The following KIF19 variants were observed in gnomAD, a reference collection of about 807,000 sequenced individuals.
KIF19 encodes the protein kinesin family member 19.
A neutral mutation model predicts 106.6 loss-of-function variants in KIF19; 98 were observed. That is an observed-to-expected ratio of 0.92 (90% CI 0.78 to 1.09). The LOEUF is 1.09. KIF19 is among the 50% of genes least tolerant of loss of function. The pLI is 0.00. For synonymous variants in KIF19, 516 were observed against 584.2 expected (o/e 0.88, Z 1.68); for missense variants, 1,373 against 1,414.3 (o/e 0.97, Z 0.47).
intron 5 of KIF19, among the ~76,000 whole-genome samples, chr17:74,343,994 G>A (rs1458192068): frequency 6.6e-6 from 1 of 152,186 alleles, no homozygotes; most frequent in East Asian, 1.9e-4. Context: ...AAAGCCTCCT[G>A]TAACCTTGGC....
In KIF19 at chr17:74,352,012, A is replaced by G; in HGVS notation, c.1733A>G (p.Glu578Gly). The G allele has an allele frequency of 6.4e-7, 1 of 1,555,940 alleles. No homozygotes were observed. The highest frequency in any genetic ancestry group is 8.6e-7 in the Non-Finnish European group (1 of 1,159,128). ...CACGAGCTCGAGGTGGAGAACACCGAGATGCAGTCGCACGCGCTGCTCCGC... is the reference window on the plus strand; with the variant it reads ...CACGAGCTCGAGGTGGAGAACACCGGGATGCAGTCGCACGCGCTGCTCCGC... Reference protein sequence around the residue: ...RVHELEVENTEMQSHALLRDG... With the variant: ...RVHELEVENTGMQSHALLRDG... The change falls in exon 13 of 20, where the codon GAG becomes GGG. Residue 578 changes from glutamate (E) to glycine (G), a missense_variant. This residue lies in a region of KIF19 where 1,020 missense variants were observed against 1,008.2 expected (regional missense o/e 1.01). Coordinates refer to ENST00000389916, the MANE Select transcript of KIF19 (RefSeq NM_153209.4).
chr17:74,332,210 T>TGTGTGTGTG (rs1567897631), intron 2 of KIF19, among the ~76,000 whole-genome samples: 24 of 108,848 alleles, frequency 2.2e-4, no homozygotes, highest in Non-Finnish European at 3.3e-4. Flanking sequence ...GTGTGTGTGT[T>TGTGTGTGTG]TGTGTGTGTG....
At position 74,342,774 on chromosome 17, in the gene KIF19, A is replaced by G. The variant is rs939014587; in HGVS notation, c.319+57A>G. The G allele has an allele frequency of 2.2e-5, 33 of 1,497,860 alleles. No individual in the cohort carries two copies. In the Admixed American group the frequency reaches 5.2e-4, roughly 24 times the overall value. 92.8% of individuals were successfully genotyped at this position (1,497,860 alleles called of 1,614,324 possible). A position where few individuals can be genotyped will look rare whatever the true frequency, so the allele number is the denominator to read the frequency against. Reference sequence around the variant, plus strand: ...CCGCAATGCCCCTGTAATCCCCGTCACCCTCCAACTAGTCTGACCCCAGCT... The same window carrying G: ...CCGCAATGCCCCTGTAATCCCCGTCGCCCTCCAACTAGTCTGACCCCAGCT... On this transcript the variant is annotated intron_variant, in intron 4 of 19. Transcript: ENST00000389916.
rs560964136 is a variant in KIF19 at position 74,355,728 on chromosome 17, G to C, written c.*416G>C. On this transcript the variant is annotated 3_prime_UTR_variant, in exon 20 of 20. Transcript: ENST00000389916. Reference sequence around the variant, plus strand: ...AGGCACTTCACGTATTACAATTGGGGATGTGGGTGAGGGAGGGAATCTGGT... The same window carrying C: ...AGGCACTTCACGTATTACAATTGGGCATGTGGGTGAGGGAGGGAATCTGGT... 6.1e-6 allele frequency: 1 copy of C among 162,810 alleles called. No individual in the cohort carries two copies. The highest frequency in any genetic ancestry group is 6.4e-5 in the Admixed American group (1 of 15,638). The allele number at this position is 162,810 out of a possible 1,614,324, so 10.1% of individuals were successfully genotyped here. A position where few individuals can be genotyped will look rare whatever the true frequency, so the allele number is the denominator to read the frequency against.
chr17:74,329,677 G>A (rs2054020904), intron 2 of KIF19, among the ~76,000 whole-genome samples: 1 of 151,932 alleles, frequency 6.6e-6, no homozygotes, highest in Admixed American at 6.6e-5. Context: ...GAATGGGCTG[G>A]GCCAAACCAC....
At chr17:74,336,255 G>T (rs565950554) in intron 2 of KIF19, among the ~76,000 whole-genome samples, 2 of 152,266 alleles carry the variant, frequency 1.3e-5, no homozygotes, top group South Asian at 4.1e-4. Context: ...TTTTAGTAGA[G>T]ATGGGATTTC....
chr17:74,344,306 G>T lies in KIF19; in HGVS notation c.540G>T (p.Gln180His), dbSNP rs771712454. Reference sequence around the variant, plus strand: ...GGGAGGACTCTAAGGGGGTGATCCAGGTGGCCGGCATCACCGAAGTCTCCA... The same window carrying T: ...GGGAGGACTCTAAGGGGGTGATCCATGTGGCCGGCATCACCGAAGTCTCCA... ...ELREDSKGVIQVAGITEVSTI... is the reference protein window; with the variant it reads ...ELREDSKGVIHVAGITEVSTI... The change falls in exon 6 of 20, where the codon CAG becomes CAT. Residue 180 changes from glutamine to histidine, a missense_variant. Physicochemically the swap from Gln to His is conservative, Grantham distance 24. Transcript: ENST00000389916. 7 of 1,612,876 alleles carry T rather than the reference G, an allele frequency of 4.3e-6. No homozygotes were observed. Among genetic ancestry groups the T allele is most frequent in the Admixed American group, 1.7e-5 (1 of 59,984 alleles).
intron 2 of KIF19, among the ~76,000 whole-genome samples, chr17:74,337,803 G>T (rs1231823674): frequency 7.2e-5 from 11 of 152,182 alleles, no homozygotes; most frequent in African/African-American, 2.7e-4. Flanking sequence ...CCCCATGCTG[G>T]TCTCCCTGGC....
intron 3 of KIF19, among the ~76,000 whole-genome samples, chr17:74,342,331 C>T (rs538327171): frequency 2.6e-5 from 4 of 152,322 alleles, no homozygotes; most frequent in African/African-American, 7.2e-5. Context: ...CTCGAGGACC[C>T]CCATCTCGCC....
Position 74,352,001 on chromosome 17 carries a change from G to A in KIF19, c.1722G>A (p.Val574=), listed in dbSNP as rs1453434688. ...TGTGCCGCGTGCACGAGCTCGAGGT[G>A]GAGAACACCGAGATGCAGTCGCACG... The part of the protein sequence containing the change: ...SLLCRVHELE[V]ENTEMQSHAL... The change falls in exon 13 of 20, where the codon GTG becomes GTA. Residue 574 remains valine, a synonymous_variant. Coordinates refer to ENST00000389916, the MANE Select transcript of KIF19 (RefSeq NM_153209.4). 5 of 1,548,718 alleles carry A rather than the reference G, an allele frequency of 3.2e-6. No individual in the cohort carries two copies. The highest frequency in any genetic ancestry group is 4.3e-6 in the Non-Finnish European group (5 of 1,155,622).
chr17:74,342,889 C>T, intron 4 of KIF19, 135 bp from the exon 5 acceptor site: 1 of 1,242,274 alleles, frequency 8.0e-7, no homozygotes, highest in Non-Finnish European at 1.1e-6. Flanking sequence ...CATCATCCTC[C>T]CCACTCCCCA....
rs1430445624 is a variant in KIF19, at chr17:74,354,172, G to A, written c.2319G>A (p.Glu773=). 1.9e-6 allele frequency: 3 copies of A among 1,607,420 alleles called. No homozygotes were observed. Among genetic ancestry groups the A allele is most frequent in the South Asian group, 2.2e-5 (2 of 90,642 alleles). The change falls in exon 18 of 20, where the codon GAG becomes GAA. Residue 773 remains glutamate, a synonymous_variant. Coordinates refer to ENST00000389916, the MANE Select transcript of KIF19 (RefSeq NM_153209.4). ...EIPLSHKERK[E]ILTGTKCIWV... is the part of the protein sequence containing the mutation. ...CGTGTCCCGCTGCAGAGAGGAAGGA[G>A]ATCCTGACTGGCACCAAGTGCATCT...
intron 1 of KIF19, 69 bp from the exon 2 acceptor site, chr17:74,328,356 C>T: frequency 7.0e-7 from 1 of 1,434,820 alleles, no homozygotes; most frequent in Non-Finnish European, 9.6e-7. Context: ...CAGGGGCTTG[C>T]TTGAGGTCTC....
Position 74,354,892 on chromosome 17 carries a change from G to C in KIF19, c.2817G>C (p.Lys939Asn). Residue 939 changes from lysine (K) to asparagine (N), a missense_variant, in exon 19 of 20, where the codon AAG (lysine) becomes AAC (asparagine). This residue lies in a region of KIF19 where 1,020 missense variants were observed against 1,008.2 expected (regional missense o/e 1.01). Transcript: ENST00000389916. ...CCCCTGGTATCCGGCATCTGGGAAA[G>C]GTCACGCTACCTTTGGCCAAAGTCA... ...HPAPGIRHLG[K>N]VTLPLAKVKL... 1 of 1,571,608 alleles carries C rather than the reference G, an allele frequency of 6.4e-7. No homozygotes were observed. The highest frequency in any genetic ancestry group is 8.6e-7 in the Non-Finnish European group (1 of 1,158,850).
At chr17:74,342,050 A>C (rs1598384162) in intron 3 of KIF19, 64 bp downstream of exon 3, 1 of 1,271,784 alleles carries the variant, frequency 7.9e-7, no homozygotes, top group Non-Finnish European at 1.1e-6. Context: ...CCCACTCAGG[A>C]GGGGCCCTCC....
chr17:74,351,889 G>T lies in KIF19; in HGVS notation c.1610G>T (p.Arg537Leu). The change falls in exon 13 of 20, where the codon CGG becomes CTG. Residue 537 changes from arginine to leucine, a missense_variant. Physicochemically the swap from Arg to Leu is moderately radical, Grantham distance 102 (BLOSUM62 -2). Transcript: ENST00000389916. ...CAGCTGGCGCTGGAGCAGCGCTGCC[G>T]GGAGCTGCGCGCGCGGGGCCGGCGC... The part of the protein sequence containing the change: ...KQKLALEQRC[R>L]ELRARGRRLE... 1 of 1,408,874 alleles carries T rather than the reference G, an allele frequency of 7.1e-7. No homozygotes were observed. The highest frequency in any genetic ancestry group is 9.2e-7 in the Non-Finnish European group (1 of 1,090,020). The allele number at this position is 1,408,874 out of a possible 1,614,324, so 87.3% of individuals were successfully genotyped here. A position where few individuals can be genotyped will look rare whatever the true frequency, so the allele number is the denominator to read the frequency against.
At chr17:74,341,006 C>T (rs2054357332) in intron 2 of KIF19, among the ~76,000 whole-genome samples, 1 of 152,220 alleles carries the variant, frequency 6.6e-6, no homozygotes, top group Non-Finnish European at 1.5e-5. Context: ...GGAGTCATAG[C>T]TGGCCTTAGC....
At chr17:74,339,807 T>C (rs2054313844) in intron 2 of KIF19, among the ~76,000 whole-genome samples, 1 of 152,136 alleles carries the variant, frequency 6.6e-6, no homozygotes, top group Non-Finnish European at 1.5e-5. Context: ...ACCTCCGCGG[T>C]GCAGTGGTTG....
In KIF19 at chr17:74,328,439, C is replaced by T. The variant is rs905634846; in HGVS notation, c.54C>T (p.Val18=). Residue 18 remains valine (V), a synonymous_variant, in exon 2 of 20, where the codon GTC becomes GTT. Coordinates refer to ENST00000389916, the MANE Select transcript of KIF19 (RefSeq NM_153209.4). ...KDQQLMVALR[V]RPISVAELEE... is the part of the protein sequence containing the mutation. ...TTCCCTCCCAGGTGGCGCTTCGGGT[C>T]CGGCCCATCAGCGTGGCAGAGCTGG... 24 of 1,609,852 alleles carry T rather than the reference C, an allele frequency of 1.5e-5. No homozygotes were observed. Among genetic ancestry groups the T allele is most frequent in the Non-Finnish European group, 2.0e-5 (24 of 1,178,602 alleles).
Sources: allele counts gnomAD v4.1 joint callset (sites outside exome capture counted in the v4.1 genomes callset), GRCh38; gene constraint gnomAD v4.1.1; regional missense constraint gnomAD v4.1.1; transcripts MANE v1.5; gene names NCBI Gene and HGNC (gene_info 2026-07-23, HGNC 2026-07-21).